Variants in ABAT observed in about 807,000 individuals in gnomAD.
ABAT encodes the protein 4-aminobutyrate aminotransferase, mitochondrial.
ABAT carries 45 observed loss-of-function variants against 64.6 expected under a neutral mutation model. The observed-to-expected ratio is 0.70, with a 90% CI of 0.55 to 0.89. The LOEUF is 0.89. Among genes scored for constraint, ABAT ranks in the 40% least tolerant of loss-of-function variants. The probability of loss-of-function intolerance (pLI) is 0.00; values close to 1 mark genes in which losing one functional copy is unlikely to be tolerated. For missense variants in ABAT, 633 were observed against 658.4 expected, an observed-to-expected ratio of 0.96 and a Z score of 0.42; for synonymous variants, 297 against 250.5, an observed-to-expected ratio of 1.19 and a Z score of -1.75.
At chr16:8,780,913 T>A (rs185605531) in intron 15 of ABAT, among the ~76,000 whole-genome samples, 1 of 152,302 alleles carries the variant, frequency 6.6e-6, no homozygotes, top group East Asian at 1.9e-4. Flanking sequence ...CCTGTGCTTT[T>A]GCAACTTATT....
At chr16:8,701,996 G>A (rs554750177) in intron 1 of ABAT, among the ~76,000 whole-genome samples, 2 of 152,186 alleles carry the variant, frequency 1.3e-5, no homozygotes, top group African/African-American at 4.8e-5. Flanking sequence ...GCCTCCTGGA[G>A]GCCACTCTGA....
chr16:8,681,564 T>G (rs1172782585), intron 1 of ABAT, among the ~76,000 whole-genome samples: 2 of 149,784 alleles, frequency 1.3e-5, no homozygotes, highest in Non-Finnish European at 3.0e-5. Context: ...AATTTGGAAA[T>G]AGAGACTTTG....
intron 6 of ABAT, among the ~76,000 whole-genome samples, chr16:8,758,266 G>A (rs1306684310): frequency 6.6e-6 from 1 of 152,194 alleles, no homozygotes; most frequent in Admixed American, 6.5e-5. Context: ...ACAGCTAGTG[G>A]AGGCGCTGAG....
At position 8,764,258 on chromosome 16, in the gene ABAT, C is replaced by T; in HGVS notation, c.447+109C>T. Reference sequence around the variant, plus strand: ...ATAAGGTGTTGCTACAGAAATCTTTCTCTCTGAGCTTATTCTTCCATGCAG... The same window carrying T: ...ATAAGGTGTTGCTACAGAAATCTTTTTCTCTGAGCTTATTCTTCCATGCAG... On this transcript the variant is annotated intron_variant, in intron 7 of 15. Coordinates refer to ENST00000268251, the MANE Select transcript of ABAT (RefSeq NM_020686.6). The surrounding 1 kb of genome is among the most constrained non-coding windows in gnomAD (Gnocchi z 4.2). The T allele has an allele frequency of 1.0e-6, 1 of 956,756 alleles. No homozygotes were observed. Among genetic ancestry groups the T allele is most frequent in the Non-Finnish European group, 1.7e-6 (1 of 603,090 alleles). 59.3% of individuals were successfully genotyped at this position (956,756 alleles called of 1,614,324 possible).
At chr16:8,766,361 T>C in intron 9 of ABAT, 91 bp downstream of exon 9, 2 of 1,319,258 alleles carry the variant, frequency 1.5e-6, no homozygotes, top group Non-Finnish European at 2.2e-6. Flanking sequence ...TGTCCTCAAT[T>C]AGGAAGGGCC....
At chr16:8,754,086 C>A (rs2059569512) in intron 5 of ABAT, among the ~76,000 whole-genome samples, 1 of 151,170 alleles carries the variant, frequency 6.6e-6, no homozygotes, top group Non-Finnish European at 1.5e-5. Flanking sequence ...TGGCTCACGC[C>A]TGTAATCCCA....
In ABAT at chr16:8,746,039, G is replaced by A. The variant is rs140119176; in HGVS notation, c.109G>A (p.Val37Ile). 155 of 1,614,018 alleles carry A rather than the reference G, an allele frequency of 9.6e-5. No individual in the cohort carries two copies. In the African/African-American group the frequency reaches 9.9e-4, roughly 10 times the overall value. ...TAGTCAAGCTGCAGCCAAAGTCGAC[G>A]TTGAATTTGATTATGATGGGCCTCT... ...HISQAAAKVD[V>I]EFDYDGPLMK... Residue 37 changes from valine (V) to isoleucine (I), a missense_variant, in exon 3 of 16, where the codon GTT becomes ATT. Transcript: ENST00000268251.
chr16:8,775,458 A>G (rs765995506), intron 13 of ABAT, among the ~76,000 whole-genome samples: 1 of 152,152 alleles, frequency 6.6e-6, no homozygotes, highest in Non-Finnish European at 1.5e-5. Flanking sequence ...GAGGTTAAGT[A>G]ATTTGTCAAA....
intron 5 of ABAT, among the ~76,000 whole-genome samples, chr16:8,754,662 A>ATTTTC (rs779413223): frequency 4.5e-4 from 66 of 146,078 alleles, no homozygotes; most frequent in Non-Finnish European, 7.6e-4. Context: ...CAGCAAGTTG[A>ATTTTC]TTTATTTATT....
chr16:8,703,339 C>T (rs1273383), intron 1 of ABAT, among the ~76,000 whole-genome samples: 32,288 of 151,738 alleles, frequency 0.21, 4,488 homozygotes, highest in African/African-American at 0.39. Flanking sequence ...GCCTGTAGTC[C>T]CAGCTACTCG....
chr16:8,717,915 A>C (rs2058258377), intron 1 of ABAT, among the ~76,000 whole-genome samples: 1 of 151,836 alleles, frequency 6.6e-6, no homozygotes, highest in African/African-American at 2.4e-5. Context: ...TTGGCCTCCC[A>C]ACATGCTGGG....
chr16:8,703,991 C>A (rs751696776), intron 1 of ABAT, among the ~76,000 whole-genome samples: 1 of 152,222 alleles, frequency 6.6e-6, no homozygotes, highest in African/African-American at 2.4e-5. Flanking sequence ...GAGCACAGAG[C>A]CTCAAGAGCA....
chr16:8,707,234 T>C (rs2057966575), intron 1 of ABAT, among the ~76,000 whole-genome samples: 1 of 152,032 alleles, frequency 6.6e-6, no homozygotes, highest in South Asian at 2.1e-4. Flanking sequence ...TCACCCAGGC[T>C]TGAGTACAGT....
At chr16:8,704,801 T>C (rs866797964) in intron 1 of ABAT, among the ~76,000 whole-genome samples, 29 of 152,178 alleles carry the variant, frequency 1.9e-4, no homozygotes, top group Admixed American at 6.5e-5. Flanking sequence ...TCCTCTACCA[T>C]TGGTCATTTA....
rs534343979 is a variant in ABAT, at chr16:8,776,568, C to T, written c.1269+78C>T. The T allele has an allele frequency of 1.0e-5, 15 of 1,428,766 alleles. No individual in the cohort carries two copies. Among genetic ancestry groups the T allele is most frequent in the East Asian group, 2.5e-5 (1 of 39,910 alleles). The allele number at this position is 1,428,766 out of a possible 1,614,324, so 88.5% of individuals were successfully genotyped here. On this transcript the variant is annotated intron_variant, in intron 14 of 15. Transcript: ENST00000268251. The surrounding 1 kb of genome is among the most constrained non-coding windows in gnomAD (Gnocchi z 4.4). Reference sequence around the variant, plus strand: ...CCTCCGGGGCAACACTGGAGCTCTTCGGCATGGTGTTGTGCCTGCTGTTCC... The same window carrying T: ...CCTCCGGGGCAACACTGGAGCTCTTTGGCATGGTGTTGTGCCTGCTGTTCC...
chr16:8,726,009 C>T (rs1028355635), intron 1 of ABAT, among the ~76,000 whole-genome samples: 21 of 152,010 alleles, frequency 1.4e-4, no homozygotes, highest in African/African-American at 4.8e-4. Flanking sequence ...GGGAGCCTGC[C>T]TAAACACAGA....
chr16:8,766,912 A>C (rs923123654), intron 9 of ABAT, among the ~76,000 whole-genome samples: 2 of 151,744 alleles, frequency 1.3e-5, no homozygotes, highest in Non-Finnish European at 2.9e-5. Context: ...CGGAGGTTGC[A>C]GTAGGCCGAG....
intron 5 of ABAT, among the ~76,000 whole-genome samples, chr16:8,756,596 C>A (rs1163988458): frequency 6.6e-6 from 1 of 152,166 alleles, no homozygotes; most frequent in Non-Finnish European, 1.5e-5. Flanking sequence ...CCTGCTTCTT[C>A]TAGAGAGATA....
intron 6 of ABAT, among the ~76,000 whole-genome samples, chr16:8,759,057 G>T (rs2059724782): frequency 6.6e-6 from 1 of 152,020 alleles, no homozygotes; most frequent in Non-Finnish European, 1.5e-5. Flanking sequence ...AGCTGAGATG[G>T]TGCCACTGCA....
Sources: allele counts gnomAD v4.1 joint callset (sites outside exome capture counted in the v4.1 genomes callset), GRCh38; gene constraint gnomAD v4.1.1; non-coding constraint Gnocchi (gnomAD v3.1); transcripts MANE v1.5; gene names NCBI Gene and HGNC (gene_info 2026-07-23, HGNC 2026-07-21).